PARD3B: variants seen among roughly 807,000 people sequenced by gnomAD.
PARD3B encodes the protein par-3 family cell polarity regulator beta.
A neutral mutation model predicts 130.2 loss-of-function variants in PARD3B; 103 were observed. The observed-to-expected ratio is 0.79, with a 90% CI of 0.67 to 0.93. The LOEUF is 0.93. Among genes scored for constraint, PARD3B ranks in the 40% least tolerant of loss-of-function variants. PARD3B has a pLI of 0.00. For missense variants in PARD3B, 1,609 were observed against 1,499.2 expected, an observed-to-expected ratio of 1.07 and a Z score of -1.21; for synonymous variants, 583 against 553.2, an observed-to-expected ratio of 1.05 and a Z score of -0.76.
intron 5 of PARD3B, among the ~76,000 whole-genome samples, chr2:205,106,790 C>G (rs986486338): frequency 6.6e-6 from 1 of 152,106 alleles, no homozygotes; most frequent in Non-Finnish European, 1.5e-5. Context: ...ATATCAAATT[C>G]AAAAAGTAGA....
chr2:205,085,940 C>G (rs1444318175), intron 4 of PARD3B, among the ~76,000 whole-genome samples: 1 of 152,102 alleles, frequency 6.6e-6, no homozygotes, highest in Non-Finnish European at 1.5e-5. Flanking sequence ...CCAAAGTAAG[C>G]TTTAAAATGT....
chr2:204,802,124 C>T (rs573618220), intron 2 of PARD3B, among the ~76,000 whole-genome samples: 62 of 151,960 alleles, frequency 4.1e-4, no homozygotes, highest in African/African-American at 1.3e-3. Flanking sequence ...TTATAATCTA[C>T]GAGGAACTTA....
chr2:205,166,249 G>A (rs913449410), intron 11 of PARD3B, among the ~76,000 whole-genome samples: 38 of 152,166 alleles, frequency 2.5e-4, no homozygotes, highest in African/African-American at 8.0e-4. Flanking sequence ...GAGAAGTATC[G>A]TGGGTGTTGA....
chr2:205,106,521 GTGTGTGTGTA>G (rs1164578721), intron 5 of PARD3B, among the ~76,000 whole-genome samples: 16 of 47,552 alleles, frequency 3.4e-4, no homozygotes, highest in African/African-American at 1.1e-3. Context: ...GTGTGTGTGT[GTGTGTGTGTA>G]TATTTGATTA....
chr2:204,893,153 A>T (rs1020585730), intron 2 of PARD3B, among the ~76,000 whole-genome samples: 2 of 152,174 alleles, frequency 1.3e-5, no homozygotes, highest in Admixed American at 6.6e-5. Flanking sequence ...GTGGTGTCTA[A>T]GCACCCAAAT....
chr2:204,678,638 C>T lies in PARD3B; in HGVS notation c.121-7543C>T, dbSNP rs1389868711. On this transcript the variant is annotated intron_variant, in intron 1 of 22. Transcript: ENST00000406610. This position sits in a 1 kb window ranked among gnomAD's most constrained non-coding sequence, Gnocchi z 4.2. ...GCGTCTAGCCTTAGTCTCTGATGCG[C>T]AGTTGCTTCTAGTCTCTGATGCGCA... 6.6e-6 allele frequency among the ~76,000 whole-genome samples: 1 copy of T among 151,992 alleles called. No individual in the cohort carries two copies. Among genetic ancestry groups the T allele is most frequent in the Non-Finnish European group, 1.5e-5 (1 of 67,994 alleles).
rs1025302016 is a variant in PARD3B, at chr2:204,799,020, C to G, written c.222+112738C>G. Among the ~76,000 whole-genome samples the G allele has an allele frequency of 9.2e-5, 14 of 151,874 alleles. No individual in the cohort carries two copies. The highest frequency in any genetic ancestry group is 2.9e-4 in the African/African-American group (12 of 41,332). On this transcript the variant is annotated intron_variant, in intron 2 of 22. Coordinates refer to ENST00000406610, the MANE Select transcript of PARD3B (RefSeq NM_001302769.2). The surrounding 1 kb of genome is among the most constrained non-coding windows in gnomAD (Gnocchi z 4.1). ...AAAGGAGAAGGAAGAGTAAAGGGGA[C>G]TTTTCCTTTACTCACCAGCTCAGCC... is the stretch of plus-strand genomic sequence containing the variant.
rs560836717 is a variant in PARD3B at position 205,337,932 on chromosome 2, C to A, written c.2630+36231C>A. ...TGGGAGGCCAAGGCGGGTGGATCAC[C>A]AGGTCAAGAGTTCAAGACTAGCCTG... is the stretch of plus-strand genomic sequence containing the variant. On this transcript the variant is annotated intron_variant, in intron 18 of 22. Coordinates refer to ENST00000406610, the MANE Select transcript of PARD3B (RefSeq NM_001302769.2). Among the ~76,000 whole-genome samples the A allele has an allele frequency of 2.6e-5, 4 of 151,746 alleles. No homozygotes were observed. The East Asian group carries it at 7.8e-4, about 29-fold the overall frequency.
intron 19 of PARD3B, among the ~76,000 whole-genome samples, chr2:205,415,105 G>GA: frequency 6.6e-6 from 1 of 152,054 alleles, no homozygotes; most frequent in East Asian, 1.9e-4. Context: ...AATGCATATT[G>GA]AAAAAATCTG....
intron 2 of PARD3B, among the ~76,000 whole-genome samples, chr2:204,898,200 G>A (rs1343533292): frequency 1.3e-5 from 2 of 150,072 alleles, no homozygotes; most frequent in Admixed American, 6.6e-5. Context: ...TAATTTTTGT[G>A]GTTACATAGG....
chr2:205,410,102 T>A (rs78666415), intron 19 of PARD3B, among the ~76,000 whole-genome samples: 402 of 152,310 alleles, frequency 2.6e-3, no homozygotes, highest in African/African-American at 9.3e-3. Context: ...TGTTTCAGAC[T>A]TTGATTTTTC....
chr2:205,043,113 T>G (rs139214701), intron 3 of PARD3B, among the ~76,000 whole-genome samples: 22 of 152,276 alleles, frequency 1.4e-4, no homozygotes, highest in African/African-American at 4.8e-4. Flanking sequence ...TTGAACTCCC[T>G]TCTCACCTCA....
intron 18 of PARD3B, among the ~76,000 whole-genome samples, chr2:205,369,418 T>C (rs2044727565): frequency 6.6e-6 from 1 of 152,184 alleles, no homozygotes; most frequent in African/African-American, 2.4e-5. Context: ...AGAGCCAGCA[T>C]GATCTGTCTC....
chr2:205,153,634 GACTTCAAACTTT>G (rs2033911633), intron 10 of PARD3B, among the ~76,000 whole-genome samples: 2 of 152,144 alleles, frequency 1.3e-5, no homozygotes, highest in African/African-American at 4.8e-5. Flanking sequence ...CACGCTACCT[GACTTCAAACTTT>G]ACTACAAGGC....
intron 15 of PARD3B, among the ~76,000 whole-genome samples, chr2:205,220,185 C>G (rs6721537): frequency 0.24 from 36,147 of 152,012 alleles, 4,838 homozygotes; most frequent in East Asian, 0.38. Context: ...CATGTCACTT[C>G]CTTGCTAAAA....
At chr2:204,583,641 AAAAG>A (rs1404535714) in intron 1 of PARD3B, among the ~76,000 whole-genome samples, 1 of 150,876 alleles carries the variant, frequency 6.6e-6, no homozygotes, top group Non-Finnish European at 1.5e-5. Flanking sequence ...AAAAAAAAAA[AAAAG>A]CAACAGAGTG....
intron 20 of PARD3B, among the ~76,000 whole-genome samples, chr2:205,488,301 T>A (rs1276601934): frequency 2.0e-5 from 3 of 152,056 alleles, no homozygotes; most frequent in Non-Finnish European, 2.9e-5. Flanking sequence ...GGCCAGGCAC[T>A]AGATTCTCAT....
At chr2:205,039,400 A>T (rs1268432229) in intron 3 of PARD3B, among the ~76,000 whole-genome samples, 1 of 152,066 alleles carries the variant, frequency 6.6e-6, no homozygotes, top group Non-Finnish European at 1.5e-5. Flanking sequence ...CTCAGCTTCC[A>T]CCATACCTTC....
rs1211783770 is a variant in PARD3B, at chr2:205,575,839, G to A, written c.3260+22436G>A. Among the ~76,000 whole-genome samples, 1 of 152,116 alleles carries A rather than the reference G, an allele frequency of 6.6e-6. No homozygotes were observed. The highest frequency in any genetic ancestry group is 2.1e-4 in the South Asian group (1 of 4,816). On this transcript the variant is annotated intron_variant, in intron 22 of 22. Transcript: ENST00000406610. This position sits in a 1 kb window ranked among gnomAD's most constrained non-coding sequence, Gnocchi z 4.6. Reference sequence around the variant, plus strand: ...GAATAAAGATGCTGTAAACGTGTATGGGCAGGTTTTCTTGTGGACATAAGT... The same window carrying A: ...GAATAAAGATGCTGTAAACGTGTATAGGCAGGTTTTCTTGTGGACATAAGT...
Sources: gnomAD v4.1 joint callset for allele counts (sites outside exome capture counted in the v4.1 genomes callset) on GRCh38, gnomAD v4.1.1 for gene constraint, Gnocchi (gnomAD v3.1) non-coding constraint, MANE v1.5 for transcripts, NCBI Gene and HGNC (gene_info 2026-07-23, HGNC 2026-07-21) for gene names.